LARGE1: variants seen among roughly 807,000 people sequenced by gnomAD.
LARGE1 encodes the protein LARGE xylosyl- and glucuronyltransferase 1, also known as xylosyl- and glucuronyltransferase LARGE1.
In LARGE1, 43 loss-of-function variants were observed where a neutral mutation model predicts 87.6. The ratio of observed to expected loss-of-function variants is 0.49; its 90% CI spans 0.38 to 0.63. The LOEUF is 0.63. Ranked by LOEUF, LARGE1 falls within the 30% of genes least tolerant of loss-of-function variation. The pLI is 0.00. For missense variants in LARGE1, 802 were observed against 1,000.2 expected, an observed-to-expected ratio of 0.80 and a Z score of 2.67; for synonymous variants, 434 against 394.6, an observed-to-expected ratio of 1.10 and a Z score of -1.18.
At chr22:33,663,762 C>A (rs2149241156) in intron 2 of LARGE1, among the ~76,000 whole-genome samples, 1 of 152,302 alleles carries the variant, frequency 6.6e-6, no homozygotes, top group South Asian at 2.1e-4. Context: ...CTCAGTGGAC[C>A]AACGATCTTC....
intron 6 of LARGE1, among the ~76,000 whole-genome samples, chr22:33,475,923 G>A (rs1310442966): frequency 6.6e-6 from 1 of 152,154 alleles, no homozygotes; most frequent in Non-Finnish European, 1.5e-5. Context: ...AATAAATCTT[G>A]GGACCCCAAA....
chr22:33,239,523 T>C (rs1392181749), intron 11 of LARGE1, among the ~76,000 whole-genome samples: 7 of 146,180 alleles, frequency 4.8e-5, no homozygotes. Context: ...TTACTATTTC[T>C]TTTTTTCTTT....
chr22:33,819,120 AG>A (rs1317266683), intron 1 of LARGE1, among the ~76,000 whole-genome samples: 1 of 152,200 alleles, frequency 6.6e-6, no homozygotes, highest in Non-Finnish European at 1.5e-5. Context: ...TGACGTCACC[AG>A]CAGCCCAGTC....
At chr22:33,545,449 C>CACACACACA (rs1173952096) in intron 6 of LARGE1, among the ~76,000 whole-genome samples, 2 of 138,588 alleles carry the variant, frequency 1.4e-5, no homozygotes, top group Non-Finnish European at 3.2e-5. Context: ...CACACACACA[C>CACACACACA]AATTTCTTCT....
chr22:33,463,967 C>A (rs1414209561), intron 6 of LARGE1, among the ~76,000 whole-genome samples: 1 of 152,128 alleles, frequency 6.6e-6, no homozygotes, highest in Non-Finnish European at 1.5e-5. Flanking sequence ...GGACACTGCA[C>A]CCGTTTTATT....
At chr22:33,140,225 G>A in the LARGE1 span, among the ~76,000 whole-genome samples, 3 of 152,284 alleles carry the variant, frequency 2.0e-5, no homozygotes, top group African/African-American at 7.2e-5. Flanking sequence ...CCCCCTTCTG[G>A]GAAGATGCTG....
chr22:33,464,096 A>G (rs2068491065), intron 6 of LARGE1, among the ~76,000 whole-genome samples: 1 of 152,246 alleles, frequency 6.6e-6, no homozygotes. Flanking sequence ...ACAATGTAGT[A>G]TTGACTTAGG....
intron 6 of LARGE1, among the ~76,000 whole-genome samples, chr22:33,548,151 C>G (rs1292009831): frequency 1.3e-5 from 2 of 152,180 alleles, no homozygotes; most frequent in Admixed American, 1.3e-4. Context: ...GGATCCTTCA[C>G]AAATGGCTTA....
intron 1 of LARGE1, among the ~76,000 whole-genome samples, chr22:33,874,265 G>A (rs1194981715): frequency 6.6e-6 from 1 of 152,086 alleles, no homozygotes; most frequent in Non-Finnish European, 1.5e-5. Context: ...CTCACCTCAA[G>A]GAAACCCTGT....
the LARGE1 span, among the ~76,000 whole-genome samples, chr22:33,091,026 C>T: frequency 6.6e-6 from 1 of 152,148 alleles, no homozygotes; most frequent in Non-Finnish European, 1.5e-5. Flanking sequence ...CCCTTGGAGG[C>T]CTTTCAGGAT....
chr22:33,107,966 A>T, the LARGE1 span, among the ~76,000 whole-genome samples: 1 of 152,214 alleles, frequency 6.6e-6, no homozygotes, highest in Non-Finnish European at 1.5e-5. Flanking sequence ...GAATTAAAAT[A>T]AGCAAAATTT....
At chr22:33,707,180 T>C (rs2082587982) in intron 2 of LARGE1, among the ~76,000 whole-genome samples, 1 of 152,166 alleles carries the variant, frequency 6.6e-6, no homozygotes, top group African/African-American at 2.4e-5. Context: ...GGGGAAAACA[T>C]GCTGGCTTCC....
intron 11 of LARGE1, among the ~76,000 whole-genome samples, chr22:33,313,248 C>T (rs1935800490): frequency 1.3e-5 from 2 of 152,158 alleles, no homozygotes; most frequent in South Asian, 2.1e-4. Flanking sequence ...TCGGGGAGCC[C>T]TCCTTCTCTC....
intron 1 of LARGE1, among the ~76,000 whole-genome samples, chr22:33,843,399 T>G (rs1389850919): frequency 6.6e-6 from 1 of 150,656 alleles, no homozygotes; most frequent in Non-Finnish European, 1.5e-5. Context: ...ATTGCACCAC[T>G]GCACTCTAGC....
intron 7 of LARGE1, among the ~76,000 whole-genome samples, chr22:33,422,587 G>A (rs561590414): frequency 1.5e-4 from 22 of 150,576 alleles, no homozygotes; most frequent in Admixed American, 1.1e-3. Flanking sequence ...TCCGCTCACT[G>A]CAACCTCCAA....
At chr22:33,862,885 T>C (rs1196368801) in intron 1 of LARGE1, among the ~76,000 whole-genome samples, 1 of 152,146 alleles carries the variant, frequency 6.6e-6, no homozygotes, top group African/African-American at 2.4e-5. Flanking sequence ...TACCTACATA[T>C]TAGTATCTAT....
At chr22:33,415,675 G>A (rs138529203) in intron 7 of LARGE1, among the ~76,000 whole-genome samples, 24 of 152,302 alleles carry the variant, frequency 1.6e-4, no homozygotes, top group African/African-American at 5.3e-4. Context: ...AATGTAGCAA[G>A]GCTGAAGGCA....
chr22:33,907,056 T>C (rs1374220837), intron 1 of LARGE1, among the ~76,000 whole-genome samples: 1 of 152,046 alleles, frequency 6.6e-6, no homozygotes, highest in Non-Finnish European at 1.5e-5. Context: ...TTGGTATGGA[T>C]TAAATCAGAC....
chr22:33,082,698 C>A, the LARGE1 span, among the ~76,000 whole-genome samples: 2 of 152,152 alleles, frequency 1.3e-5, no homozygotes, highest in Admixed American at 6.5e-5. Flanking sequence ...TTCCGGACCA[C>A]AATGAAGGAG....
Sources: allele counts gnomAD v4.1 joint callset (sites outside exome capture counted in the v4.1 genomes callset), GRCh38; gene constraint gnomAD v4.1.1; transcripts MANE v1.5; gene names NCBI Gene and HGNC (gene_info 2026-07-23, HGNC 2026-07-21).